The following AKT3 variants were observed in gnomAD, a reference collection of about 807,000 sequenced individuals.
AKT3 encodes AKT serine/threonine kinase 3, also known as RAC-gamma serine/threonine-protein kinase.
A neutral mutation model predicts 65.3 loss-of-function variants in AKT3; 15 were observed. That is an observed-to-expected ratio of 0.23 (90% CI 0.15 to 0.35). The LOEUF (loss-of-function observed/expected upper bound fraction) is 0.35. AKT3 is among the 10% of genes least tolerant of loss of function. The pLI is 1.00. For missense variants in AKT3, 243 were observed against 576.5 expected (o/e 0.42, Z 5.92); for synonymous variants, 206 against 183.8 (o/e 1.12, Z -0.98).
chr1:243,703,201 A>G (rs1318636536), intron 2 of AKT3, among the ~76,000 whole-genome samples: 1 of 152,122 alleles, frequency 6.6e-6, no homozygotes, highest in Non-Finnish European at 1.5e-5. Context: ...CTACTAATGG[A>G]TTTCATAAAT....
In AKT3 at chr1:243,798,275, T is replaced by C. The variant is rs867725706; in HGVS notation, c.46+44850A>G. Among the ~76,000 whole-genome samples, 26 of 142,978 alleles carry C rather than the reference T, an allele frequency of 1.8e-4. No homozygotes were observed. The Middle Eastern group carries it at 0.012, about 65-fold the overall frequency. 93.8% of individuals were successfully genotyped at this position (142,978 alleles called of 152,430 possible). On this transcript the variant is annotated intron_variant, in intron 2 of 13. Transcript: ENST00000673466. ...CCCAGACTGGAGTGCTGCAGTGGCA[T>C]GACCACTGCTCACTGCAGCCTGACC...
chr1:243,765,395 C>T (rs1278120810), intron 2 of AKT3, among the ~76,000 whole-genome samples: 1 of 151,986 alleles, frequency 6.6e-6, no homozygotes, highest in African/African-American at 2.4e-5. Context: ...CCCAGGCAAC[C>T]CTCAACCATG....
At chr1:243,754,459 A>G (rs529833160) in intron 2 of AKT3, among the ~76,000 whole-genome samples, 2 of 152,266 alleles carry the variant, frequency 1.3e-5, no homozygotes, top group Admixed American at 6.5e-5. Flanking sequence ...GTTACTGCCA[A>G]TGTGCTGAGG....
chr1:243,592,211 T>G (rs1676279693), intron 8 of AKT3, among the ~76,000 whole-genome samples: 1 of 151,866 alleles, frequency 6.6e-6, no homozygotes, highest in South Asian at 2.1e-4. Flanking sequence ...GGCAGGAGCC[T>G]GTAGTCCCAG....
At chr1:243,646,361 C>CT (rs398053991) in intron 4 of AKT3, among the ~76,000 whole-genome samples, 11,978 of 146,360 alleles carry the variant, frequency 0.082, 582 homozygotes, top group East Asian at 0.19. Context: ...ATATATCCTA[C>CT]TTTTTTTTTT....
chr1:243,761,990 C>G (rs775235406), intron 2 of AKT3, among the ~76,000 whole-genome samples: 1 of 152,004 alleles, frequency 6.6e-6, no homozygotes, highest in African/African-American at 2.4e-5. Context: ...AATTTCTAAA[C>G]GTCAAAATAA....
intron 5 of AKT3, among the ~76,000 whole-genome samples, chr1:243,640,098 T>C (rs1680260539): frequency 1.3e-5 from 2 of 152,196 alleles, no homozygotes; most frequent in Non-Finnish European, 2.9e-5. Flanking sequence ...TGTCTTACAT[T>C]CAATAATATC....
intron 3 of AKT3, among the ~76,000 whole-genome samples, chr1:243,685,180 G>A (rs1684202437): frequency 6.6e-6 from 1 of 152,034 alleles, no homozygotes; most frequent in Admixed American, 6.5e-5. Flanking sequence ...GTCAATTTTG[G>A]CTTTTGTTGC....
chr1:243,684,917 G>T (rs776032049), intron 3 of AKT3, among the ~76,000 whole-genome samples: 5 of 152,112 alleles, frequency 3.3e-5, no homozygotes, highest in Non-Finnish European at 7.4e-5. Context: ...GTGATGATGA[G>T]CTTTTTTTCA....
At chr1:243,732,893 CA>C in intron 2 of AKT3, among the ~76,000 whole-genome samples, 1 of 152,210 alleles carries the variant, frequency 6.6e-6, no homozygotes, top group Non-Finnish European at 1.5e-5. Context: ...TACTCTACAT[CA>C]AGGTGCTTTG....
At chr1:243,663,776 T>G (rs962396132) in intron 4 of AKT3, among the ~76,000 whole-genome samples, 1 of 152,252 alleles carries the variant, frequency 6.6e-6, no homozygotes, top group Non-Finnish European at 1.5e-5. Context: ...ACAAAGTTGC[T>G]GATTAGGATC....
Position 243,500,499 on chromosome 1 carries a change from C to T in AKT3, c.*4750G>A. 4.4e-6 allele frequency: 1 copy of T among 226,168 alleles called. No homozygotes were observed. Among genetic ancestry groups the T allele is most frequent in the Non-Finnish European group, 8.8e-6 (1 of 113,812 alleles). 14.0% of individuals were successfully genotyped at this position (226,168 alleles called of 1,614,324 possible). A position where few individuals can be genotyped will look rare whatever the true frequency, so the allele number is the denominator to read the frequency against. ...ACTTAGAGTATATCAAATATCTGTA[C>T]ACAGATAATTATTTGTCTAAAATAG... is the stretch of plus-strand genomic sequence containing the variant. On this transcript the variant is annotated 3_prime_UTR_variant, in exon 14 of 14. Coordinates refer to ENST00000673466, the MANE Select transcript of AKT3 (RefSeq NM_005465.7).
intron 2 of AKT3, among the ~76,000 whole-genome samples, chr1:243,824,579 G>A (rs1199406240): frequency 3.3e-5 from 5 of 151,276 alleles, no homozygotes; most frequent in Non-Finnish European, 7.4e-5. Flanking sequence ...AACTTCATTC[G>A]AAAGTGGGCA....
chr1:243,744,738 CAAA>C (rs932389262), intron 2 of AKT3, among the ~76,000 whole-genome samples: 2 of 53,254 alleles, frequency 3.8e-5, no homozygotes, highest in African/African-American at 6.6e-5. Context: ...GACTCCGTCT[CAAA>C]AAAAAAAAAA....
rs544934867 is a variant in AKT3, at chr1:243,569,675, A to T, written c.819+3251T>A. ...ACTGTAAATGGTTAACTATTCTCAC[A>T]TTAGGTGGAAAACAAGATTAGGTGT... On this transcript the variant is annotated intron_variant, in intron 9 of 13. Transcript: ENST00000673466. Among the ~76,000 whole-genome samples the T allele has an allele frequency of 1.8e-4, 27 of 152,332 alleles. 1 individual carries two copies. In the East Asian group the frequency reaches 5.0e-3, roughly 28 times the overall value.
intron 2 of AKT3, among the ~76,000 whole-genome samples, chr1:243,808,720 C>T (rs1162245095): frequency 6.6e-6 from 1 of 152,116 alleles, no homozygotes. Context: ...CTCCAAGACA[C>T]ATAATTGTCA....
intron 2 of AKT3, among the ~76,000 whole-genome samples, chr1:243,763,169 G>T (rs574473240): frequency 1.3e-5 from 2 of 152,050 alleles, no homozygotes; most frequent in Non-Finnish European, 2.9e-5. Flanking sequence ...TTTAAAAAGT[G>T]AATAAACAGC....
At chr1:243,489,879 G>A (rs1347040542) in intron 13 of AKT3, among the ~76,000 whole-genome samples, 1 of 152,130 alleles carries the variant, frequency 6.6e-6, no homozygotes, top group Non-Finnish European at 1.5e-5. Flanking sequence ...AAAGTGTCCC[G>A]GTGAATTTGG....
Position 243,694,496 on chromosome 1 carries a change from TA to T in AKT3, c.172+1094del, listed in dbSNP as rs978465750. On this transcript the variant is annotated intron_variant, in intron 3 of 13. Transcript: ENST00000673466. Reference sequence around the variant, plus strand: ...AGTGATCTCATTTAAAAAATATCTATATTAAGAATCCACTAATATAAACAGA... The same window carrying T: ...AGTGATCTCATTTAAAAAATATCTATTTAAGAATCCACTAATATAAACAGA... 2.1e-3 allele frequency among the ~76,000 whole-genome samples: 97 copies of T among 45,878 alleles called. No individual in the cohort carries two copies. The Middle Eastern group carries it at 0.042, about 20-fold the overall frequency. 30.1% of individuals were successfully genotyped at this position (45,878 alleles called of 152,430 possible).
Sources: gnomAD v4.1 joint callset for allele counts (sites outside exome capture counted in the v4.1 genomes callset) on GRCh38, gnomAD v4.1.1 for gene constraint, MANE v1.5 for transcripts, NCBI Gene and HGNC (gene_info 2026-07-23, HGNC 2026-07-21) for gene names.